KIF6: variants seen among roughly 807,000 people sequenced by gnomAD.
KIF6 encodes the protein kinesin family member 6, also known as kinesin-like protein KIF6.
In KIF6, 106 loss-of-function variants were observed where a neutral mutation model predicts 112.7. The observed-to-expected ratio is 0.94, with a 90% CI of 0.80 to 1.11. The LOEUF (loss-of-function observed/expected upper bound fraction) is 1.11, where lower values mean the gene tolerates loss of function less well. Among genes scored for constraint, KIF6 ranks in the 50% least tolerant of loss-of-function variants. The pLI, the probability that KIF6 is intolerant of heterozygous loss-of-function variation, is 0.00. For missense variants in KIF6, 929 were observed against 964.0 expected (o/e 0.96, Z 0.48); for synonymous variants, 339 against 339.9 (o/e 1.00, Z 0.03).
At chr6:39,523,837 T>A (rs1303998404) in intron 13 of KIF6, among the ~76,000 whole-genome samples, 1 of 151,666 alleles carries the variant, frequency 6.6e-6, no homozygotes, top group East Asian at 1.9e-4. Flanking sequence ...TCTTTGAGAT[T>A]GTGAGCCAGT....
At chr6:39,550,005 C>T (rs991311950) in intron 10 of KIF6, among the ~76,000 whole-genome samples, 5 of 151,658 alleles carry the variant, frequency 3.3e-5, no homozygotes, top group South Asian at 4.2e-4. Flanking sequence ...TCAGCAGTCC[C>T]GAAATTTTTG....
chr6:39,457,619 G>A (rs1255983282), intron 13 of KIF6, among the ~76,000 whole-genome samples: 6 of 151,960 alleles, frequency 3.9e-5, no homozygotes, highest in East Asian at 3.9e-4. Flanking sequence ...TTGATAGAAC[G>A]CTAGCAAGAC....
chr6:39,540,015 G>A lies in KIF6; in HGVS notation c.1633C>T (p.His545Tyr), dbSNP rs1778695488. 6.3e-7 allele frequency: 1 copy of A among 1,599,178 alleles called. No individual in the cohort carries two copies. Among genetic ancestry groups the A allele is most frequent in the Non-Finnish European group, 8.5e-7 (1 of 1,174,642 alleles). ...TTAGTCAACTGACCTATTTTCTTGT[G>A]GAGCAAACTGGATCTTTTCCCCAAA... The part of the protein sequence containing the change: ...SILGKRSSLL[H>Y]KKIGMREEMS... The change falls in exon 13 of 23, where the codon CAC (histidine) becomes TAC (tyrosine). Residue 545 changes from histidine (H) to tyrosine (Y), a missense_variant. Transcript: ENST00000287152.
intron 6 of KIF6, among the ~76,000 whole-genome samples, chr6:39,606,462 T>A (rs1473186898): frequency 6.6e-6 from 1 of 152,174 alleles, no homozygotes; most frequent in Non-Finnish European, 1.5e-5. Context: ...TTCTTTCTGA[T>A]AATTTTATCT....
intron 19 of KIF6, among the ~76,000 whole-genome samples, 167 bp from the exon 20 acceptor site, chr6:39,346,693 G>A (rs1333001012): frequency 6.6e-6 from 1 of 152,046 alleles, no homozygotes; most frequent in African/African-American, 2.4e-5. Flanking sequence ...TGTTGCCCAA[G>A]CTGGAGTGCA....
intron 13 of KIF6, among the ~76,000 whole-genome samples, chr6:39,484,532 C>A (rs772343392): frequency 6.6e-6 from 1 of 152,014 alleles, no homozygotes; most frequent in East Asian, 1.9e-4. Context: ...CAAGAAATGG[C>A]GGGAGATGGA....
rs954675833 is a variant in KIF6 at position 39,378,787 on chromosome 6, T to C, written c.1861+6835A>G. On this transcript the variant is annotated intron_variant, in intron 16 of 22. Coordinates refer to ENST00000287152, the MANE Select transcript of KIF6 (RefSeq NM_145027.6). The surrounding 1 kb of genome is among the most constrained non-coding windows in gnomAD (Gnocchi z 5.0). ...ACAAGATCCAGCCCTGATCAAATATTGCTTAGAAGAGATATTTGAGAGAGA... is the reference window on the plus strand; with the variant it reads ...ACAAGATCCAGCCCTGATCAAATATCGCTTAGAAGAGATATTTGAGAGAGA... 6.6e-6 allele frequency among the ~76,000 whole-genome samples: 1 copy of C among 152,212 alleles called. No homozygotes were observed. The highest frequency in any genetic ancestry group is 2.1e-4 in the South Asian group (1 of 4,826).
rs184305983 is a variant in KIF6, at chr6:39,681,044, T to G, written c.251+33648A>C. The stretch of plus-strand genomic sequence containing the variant: ...GTCTGAGAAAGCCAATAAAAGTTCT[T>G]AATAAATGACTTCAAAAAGTAATTC... On this transcript the variant is annotated intron_variant, in intron 3 of 22. Coordinates refer to ENST00000287152, the MANE Select transcript of KIF6 (RefSeq NM_145027.6). Among the ~76,000 whole-genome samples the G allele has an allele frequency of 7.2e-5, 11 of 152,222 alleles. No individual in the cohort carries two copies. In the East Asian group the frequency reaches 2.1e-3, roughly 29 times the overall value.
rs753621027 is a variant in KIF6, at chr6:39,360,530, C to A, written c.1947G>T (p.Arg649Ser). ...TCAGGCGAGTGAACATTGTTTTATACCTGCGGTGGAATCGGGGAAGAGTCA... is the reference window on the plus strand; with the variant it reads ...TCAGGCGAGTGAACATTGTTTTATAACTGCGGTGGAATCGGGGAAGAGTCA... ...LRSQLEEEKRRYKTMFTRLKA... is the reference protein window; with the variant it reads ...LRSQLEEEKRSYKTMFTRLKA... The change falls in exon 18 of 23, where the codon AGG becomes AGT. Residue 649 changes from arginine (R) to serine (S), a missense_variant and splice_region_variant. By Grantham distance (110) the Arg-to-Ser change is moderately radical. Around this residue, in one of 2 missense-constraint regions of KIF6, gnomAD observed 241 missense variants for 301.4 expected, o/e 0.80. Transcript: ENST00000287152. 7.4e-6 allele frequency: 12 copies of A among 1,614,226 alleles called. No individual in the cohort carries two copies. The highest frequency in any genetic ancestry group is 3.3e-5 in the Admixed American group (2 of 60,030).
At chr6:39,710,802 G>A (rs563017182) in intron 3 of KIF6, among the ~76,000 whole-genome samples, 2 of 152,140 alleles carry the variant, frequency 1.3e-5, no homozygotes, top group South Asian at 2.1e-4. Context: ...TTAGGAGGCC[G>A]AGGTGGGAGG....
chr6:39,357,499 A>C (rs1581663662), intron 18 of KIF6, 125 bp from the exon 19 acceptor site: 1 of 579,176 alleles, frequency 1.7e-6, no homozygotes, highest in East Asian at 3.0e-5. Context: ...CCCAGGCTGG[A>C]GTGCAGTGGC....
At chr6:39,488,302 G>A (rs570087804) in intron 13 of KIF6, among the ~76,000 whole-genome samples, 2 of 152,214 alleles carry the variant, frequency 1.3e-5, no homozygotes, top group South Asian at 4.1e-4. Flanking sequence ...ATGACACAAG[G>A]GTTAAGATCT....
chr6:39,437,475 A>G (rs2150390482), intron 13 of KIF6, among the ~76,000 whole-genome samples: 1 of 152,352 alleles, frequency 6.6e-6, no homozygotes. Flanking sequence ...GAATGAATGA[A>G]AAAGTGCTTT....
intron 3 of KIF6, among the ~76,000 whole-genome samples, chr6:39,660,053 G>A (rs570702048): frequency 3.9e-5 from 6 of 152,302 alleles, no homozygotes; most frequent in South Asian, 4.1e-4. Context: ...TCTCATGCCT[G>A]TAATCCCAGC....
chr6:39,441,900 G>A (rs765410289), intron 13 of KIF6, among the ~76,000 whole-genome samples: 7 of 152,216 alleles, frequency 4.6e-5, no homozygotes, highest in Non-Finnish European at 1.0e-4. Flanking sequence ...CCTTTAATTA[G>A]TAGGTTCTGA....
intron 1 of KIF6, 53 bp downstream of exon 1, chr6:39,725,191 AC>A: frequency 6.6e-7 from 1 of 1,507,114 alleles, no homozygotes. Flanking sequence ...CCGCCGCCCG[AC>A]CCCAGCCCAA....
At chr6:39,457,698 G>A (rs369212041) in intron 13 of KIF6, among the ~76,000 whole-genome samples, 7 of 151,992 alleles carry the variant, frequency 4.6e-5, no homozygotes, top group East Asian at 3.9e-4. Context: ...TATCACCACC[G>A]ATCCCACAGA....
At chr6:39,693,102 C>T (rs192508160) in intron 3 of KIF6, among the ~76,000 whole-genome samples, 179 of 152,290 alleles carry the variant, frequency 1.2e-3, no homozygotes, top group African/African-American at 4.1e-3. Flanking sequence ...ACGCATATGC[C>T]CCTGGGAGGT....
At chr6:39,443,161 A>AT (rs1772056247) in intron 13 of KIF6, among the ~76,000 whole-genome samples, 1 of 138,020 alleles carries the variant, frequency 7.2e-6, no homozygotes, top group Non-Finnish European at 1.5e-5. Flanking sequence ...AATAATAATA[A>AT]ATAAAAATAA....
Sources: gnomAD v4.1 joint callset for allele counts (sites outside exome capture counted in the v4.1 genomes callset) on GRCh38, gnomAD v4.1.1 for gene constraint, gnomAD v4.1.1 regional missense constraint, Gnocchi (gnomAD v3.1) non-coding constraint, MANE v1.5 for transcripts, NCBI Gene and HGNC (gene_info 2026-07-23, HGNC 2026-07-21) for gene names.